Variants in ATP8B4 observed in about 807,000 individuals in gnomAD.
ATP8B4 encodes the protein probable phospholipid-transporting ATPase IM.
A neutral mutation model predicts 145.6 loss-of-function variants in ATP8B4; 133 were observed. The observed-to-expected ratio is 0.91, with a 90% CI of 0.79 to 1.05. The LOEUF is 1.05. Among genes scored for constraint, ATP8B4 ranks in the 50% least tolerant of loss-of-function variants. The pLI is 0.00. For missense variants in ATP8B4, 1,458 were observed against 1,425.2 expected (o/e 1.02, Z -0.37); for synonymous variants, 507 against 492.9 (o/e 1.03, Z -0.38).
At chr15:50,066,324 A>T (rs1216103651) in intron 3 of ATP8B4, among the ~76,000 whole-genome samples, 2 of 152,146 alleles carry the variant, frequency 1.3e-5, no homozygotes, top group Non-Finnish European at 2.9e-5. Flanking sequence ...CACTGTTACT[A>T]TGGTGATGCC....
intron 6 of ATP8B4, chr15:50,019,035 G>T: frequency 1.2e-6 from 1 of 866,840 alleles, no homozygotes; most frequent in Non-Finnish European, 1.6e-6. Flanking sequence ...GACAAATCTT[G>T]ATCGGTCATT....
chr15:49,981,230 T>C lies in ATP8B4; in HGVS notation c.813A>G (p.Arg271=). The C allele has an allele frequency of 1.2e-6, 2 of 1,609,120 alleles. No homozygotes were observed. Among genetic ancestry groups the C allele is most frequent in the Non-Finnish European group, 1.7e-6 (2 of 1,177,128 alleles). The change falls in exon 11 of 28, where the codon AGA becomes AGG. Residue 271 remains arginine (R), a synonymous_variant. Transcript: ENST00000284509. ...KTKFKRTSID[R]LMNTLVLWIF... ...CCCATAGTACTAGAGTATTCATCAA[T>C]CTATCAATGCTTGTCCTTTTAAACT...
chr15:49,946,748 G>A (rs1168454226), intron 14 of ATP8B4, among the ~76,000 whole-genome samples: 1 of 152,082 alleles, frequency 6.6e-6, no homozygotes, highest in East Asian at 1.9e-4. Context: ...TATCATGGTG[G>A]TGTATTGAAT....
chr15:50,085,967 A>T (rs1287094058), intron 2 of ATP8B4, among the ~76,000 whole-genome samples: 21 of 84,382 alleles, frequency 2.5e-4, no homozygotes, highest in Admixed American at 3.1e-4. Flanking sequence ...ATATATTTAT[A>T]TATGATATAT....
chr15:50,177,121 C>A (rs1458380446), intron 1 of ATP8B4, among the ~76,000 whole-genome samples: 1 of 151,966 alleles, frequency 6.6e-6, no homozygotes, highest in African/African-American at 2.4e-5. Flanking sequence ...TCCCACAAAC[C>A]ACTGAATGAG....
intron 1 of ATP8B4, among the ~76,000 whole-genome samples, chr15:50,173,103 C>A (rs1453872880): frequency 4.7e-5 from 7 of 148,100 alleles, no homozygotes; most frequent in Admixed American, 1.3e-4. Flanking sequence ...CAGCCGCCGC[C>A]CCGTCTGGGA....
At chr15:49,978,416 T>C (rs1429979821) in intron 12 of ATP8B4, among the ~76,000 whole-genome samples, 1 of 152,178 alleles carries the variant, frequency 6.6e-6, no homozygotes, top group Non-Finnish European at 1.5e-5. Context: ...CACATGCCAC[T>C]ACTTCAAGTG....
At chr15:49,906,491 A>G (rs1388011530) in intron 20 of ATP8B4, among the ~76,000 whole-genome samples, 2 of 152,180 alleles carry the variant, frequency 1.3e-5, no homozygotes, top group Non-Finnish European at 2.9e-5. Flanking sequence ...TCCTTTTCCC[A>G]CTACTACTAG....
Position 50,044,704 on chromosome 15 carries a change from A to G in ATP8B4, c.202-12T>C, listed in dbSNP as rs367716194. 16 of 1,587,136 alleles carry G rather than the reference A, an allele frequency of 1.0e-5. No individual in the cohort carries two copies. The African/African-American group carries it at 1.9e-4, about 19-fold the overall frequency. ...ATTTCTGGAATTAGCTGAAACAAAC[A>G]TTCCAAATAGTTTAGGGCTTTTAAA... is the stretch of plus-strand genomic sequence containing the variant. On this transcript the variant is annotated splice_polypyrimidine_tract_variant and intron_variant, in intron 4 of 27. Transcript: ENST00000284509.
chr15:49,970,807 T>C (rs1277391013), intron 13 of ATP8B4, among the ~76,000 whole-genome samples: 1 of 152,210 alleles, frequency 6.6e-6, no homozygotes, highest in African/African-American at 2.4e-5. Context: ...AGAGCCCATA[T>C]AGCCAAGACA....
intron 1 of ATP8B4, among the ~76,000 whole-genome samples, chr15:50,180,706 G>C (rs2044833238): frequency 1.3e-5 from 2 of 152,186 alleles, no homozygotes; most frequent in Non-Finnish European, 2.9e-5. Context: ...CCCTCACTTT[G>C]GTTAATTCTA....
intron 3 of ATP8B4, among the ~76,000 whole-genome samples, chr15:50,069,311 C>T (rs1467263599): frequency 6.6e-6 from 1 of 152,170 alleles, no homozygotes; most frequent in Admixed American, 6.5e-5. Context: ...ACCTTTATTT[C>T]TCAAAAGTGC....
At chr15:50,123,437 G>A (rs997640409), upstream of ATP8B4, among the ~76,000 whole-genome samples, 27 of 152,174 alleles carry the variant, frequency 1.8e-4, no homozygotes, top group Non-Finnish European at 3.1e-4. Flanking sequence ...TGCAGCCAGA[G>A]GCTGCAAGAT....
At chr15:50,116,359 G>T (rs1289183692) in intron 1 of ATP8B4, among the ~76,000 whole-genome samples, 1 of 152,164 alleles carries the variant, frequency 6.6e-6, no homozygotes, top group Non-Finnish European at 1.5e-5. Flanking sequence ...GGGAATAGAG[G>T]TGCCACTATG....
intron 24 of ATP8B4, among the ~76,000 whole-genome samples, chr15:49,878,075 A>G (rs1192391210): frequency 6.6e-6 from 1 of 152,210 alleles, no homozygotes; most frequent in East Asian, 1.9e-4. Context: ...CAAAGCAGGA[A>G]AGGAGAGAGG....
intron 11 of ATP8B4, among the ~76,000 whole-genome samples, chr15:49,980,483 A>G (rs2046060315): frequency 6.6e-6 from 1 of 152,230 alleles, no homozygotes; most frequent in Non-Finnish European, 1.5e-5. Flanking sequence ...GAGGTAGCAC[A>G]GGATTAACTG....
chr15:50,082,975 T>C (rs866112644), intron 2 of ATP8B4, among the ~76,000 whole-genome samples: 1 of 152,142 alleles, frequency 6.6e-6, no homozygotes, highest in Non-Finnish European at 1.5e-5. Flanking sequence ...ATTCTAGATA[T>C]AAGGAGATGG....
intron 20 of ATP8B4, among the ~76,000 whole-genome samples, chr15:49,905,701 A>AT (rs966454315): frequency 6.6e-6 from 1 of 151,652 alleles, no homozygotes; most frequent in Non-Finnish European, 1.5e-5. Context: ...GAAATTCTTT[A>AT]TTTTTTTTCT....
In ATP8B4 at chr15:50,009,617, G is replaced by A. The variant is rs531094557; in HGVS notation, c.435+1228C>T. 50 of 445,534 alleles carry A rather than the reference G, an allele frequency of 1.1e-4. 2 individuals are homozygous for A. The highest frequency in any genetic ancestry group is 7.5e-4 in the South Asian group (47 of 62,688). 27.6% of individuals were successfully genotyped at this position (445,534 alleles called of 1,614,324 possible). On this transcript the variant is annotated intron_variant, in intron 7 of 27. Coordinates refer to ENST00000284509, the MANE Select transcript of ATP8B4 (RefSeq NM_024837.4). ...TACACTGGAGCTACCTTGATTCCAC[G>A]CACAGAGTATGTTCTAACAGACACC...
Sources: gnomAD v4.1 joint callset for allele counts (sites outside exome capture counted in the v4.1 genomes callset) on GRCh38, gnomAD v4.1.1 for gene constraint, MANE v1.5 for transcripts, NCBI Gene and HGNC (gene_info 2026-07-23, HGNC 2026-07-21) for gene names.